The following GALNT10 variants were observed in gnomAD, a reference collection of about 807,000 sequenced individuals.
GALNT10 encodes GalNAc transferase 10.
GALNT10 carries 41 observed loss-of-function variants against 75.0 expected under a neutral mutation model. The observed-to-expected ratio is 0.55, with a 90% CI of 0.43 to 0.71. The LOEUF (loss-of-function observed/expected upper bound fraction) is 0.71, where lower values mean the gene tolerates loss of function less well. GALNT10 is among the 30% of genes least tolerant of loss of function. GALNT10 has a pLI of 0.00. For synonymous variants in GALNT10, 302 were observed against 313.0 expected (o/e 0.96, Z 0.37); for missense variants, 727 against 818.5 (o/e 0.89, Z 1.36).
At chr5:154,219,099 G>T (rs578144345) in intron 1 of GALNT10, among the ~76,000 whole-genome samples, 1 of 152,244 alleles carries the variant, frequency 6.6e-6, no homozygotes, top group East Asian at 1.9e-4. Context: ...GCCTCTGACC[G>T]CATCTGTAGT....
At chr5:154,250,876 A>G (rs183198465) in intron 1 of GALNT10, among the ~76,000 whole-genome samples, 2 of 152,308 alleles carry the variant, frequency 1.3e-5, no homozygotes, top group Admixed American at 6.5e-5. Context: ...TGCTATTGCC[A>G]GAATTTGCCA....
At chr5:154,375,544 G>A (rs1755641685) in intron 4 of GALNT10, among the ~76,000 whole-genome samples, 1 of 152,310 alleles carries the variant, frequency 6.6e-6, no homozygotes, top group Admixed American at 6.5e-5. Context: ...CTAGGAGTCT[G>A]TCTGCTTCAG....
chr5:154,265,843 C>T (rs1433046314), intron 1 of GALNT10, among the ~76,000 whole-genome samples: 3 of 151,948 alleles, frequency 2.0e-5, no homozygotes, highest in African/African-American at 4.8e-5. Context: ...ATTTGAAAAT[C>T]GCCAATTAGG....
chr5:154,346,238 T>C (rs1378097248), intron 4 of GALNT10, among the ~76,000 whole-genome samples: 2 of 152,052 alleles, frequency 1.3e-5, no homozygotes, highest in African/African-American at 4.8e-5. Flanking sequence ...ATCTTGGCTA[T>C]TGGGAGTAGT....
chr5:154,389,738 A>ATAAG (rs1247833313), intron 7 of GALNT10, among the ~76,000 whole-genome samples: 3 of 152,008 alleles, frequency 2.0e-5, no homozygotes, highest in Non-Finnish European at 2.9e-5. Context: ...TCCAATAAAT[A>ATAAG]TAAGTATAAA....
chr5:154,379,174 G>A (rs531352696), intron 5 of GALNT10, among the ~76,000 whole-genome samples: 1 of 152,268 alleles, frequency 6.6e-6, no homozygotes, highest in Admixed American at 6.5e-5. Context: ...GAACTACCTT[G>A]GGCATCTCAA....
At chr5:154,332,058 T>C (rs1754874732) in intron 4 of GALNT10, among the ~76,000 whole-genome samples, 1 of 152,120 alleles carries the variant, frequency 6.6e-6, no homozygotes, top group Non-Finnish European at 1.5e-5. Flanking sequence ...TGCCTCTTGC[T>C]CCCTCTCTTC....
chr5:154,191,871 A>G (rs1774866144), intron 1 of GALNT10, among the ~76,000 whole-genome samples: 1 of 152,228 alleles, frequency 6.6e-6, no homozygotes, highest in Non-Finnish European at 1.5e-5. Context: ...CAAAACTGGG[A>G]TCGGAATGGT....
At chr5:154,335,357 A>G (rs1258100891) in intron 4 of GALNT10, among the ~76,000 whole-genome samples, 2 of 152,194 alleles carry the variant, frequency 1.3e-5, no homozygotes, top group African/African-American at 4.8e-5. Context: ...CCGTGAGACC[A>G]TGAAATACGT....
At chr5:154,276,343 C>G (rs1753950702) in intron 1 of GALNT10, among the ~76,000 whole-genome samples, 1 of 152,206 alleles carries the variant, frequency 6.6e-6, no homozygotes, top group African/African-American at 2.4e-5. Flanking sequence ...ACATGGCCCC[C>G]TTGATCTACA....
intron 1 of GALNT10, among the ~76,000 whole-genome samples, chr5:154,195,604 C>T (rs1439600101): frequency 1.3e-5 from 2 of 152,190 alleles, no homozygotes; most frequent in Non-Finnish European, 2.9e-5. Context: ...TCATCTAGTC[C>T]AATCTCCTCA....
At position 154,409,469 on chromosome 5, in the gene GALNT10, A is replaced by G. The variant is rs1384106640; in HGVS notation, c.1165-72A>G. ...GAAGGGTTGACCTCGACCTGCCAGG[A>G]CCCTTTTCACCCCACTGCCTGGCTT... On this transcript the variant is annotated intron_variant, in intron 8 of 11. Coordinates refer to ENST00000297107, the MANE Select transcript of GALNT10 (RefSeq NM_198321.4). The surrounding 1 kb of genome is among the most constrained non-coding windows in gnomAD (Gnocchi z 4.5). 2.1e-6 allele frequency: 2 copies of G among 962,616 alleles called. No homozygotes were observed. Among genetic ancestry groups the G allele is most frequent in the African/African-American group, 1.6e-5 (1 of 62,626 alleles). 59.6% of individuals were successfully genotyped at this position (962,616 alleles called of 1,614,324 possible). A position where few individuals can be genotyped will look rare whatever the true frequency, so the allele number is the denominator to read the frequency against.
chr5:154,216,173 T>C (rs942015683), intron 1 of GALNT10, among the ~76,000 whole-genome samples: 1 of 152,212 alleles, frequency 6.6e-6, no homozygotes, highest in Non-Finnish European at 1.5e-5. Flanking sequence ...ACAAACTGTC[T>C]CTGGAAGTTC....
intron 1 of GALNT10, among the ~76,000 whole-genome samples, chr5:154,195,420 G>A (rs1334730389): frequency 6.6e-6 from 1 of 152,168 alleles, no homozygotes; most frequent in Admixed American, 6.5e-5. Context: ...AGGAGGTAGC[G>A]CATATACACC....
chr5:154,281,258 T>C (rs1268734979), intron 1 of GALNT10, among the ~76,000 whole-genome samples: 1 of 152,240 alleles, frequency 6.6e-6, no homozygotes, highest in Admixed American at 6.5e-5. Context: ...TAGTTTTCAG[T>C]GTATAGGTCT....
intron 1 of GALNT10, among the ~76,000 whole-genome samples, chr5:154,287,959 TGAGAGA>T (rs36043154): frequency 1.3e-5 from 2 of 149,848 alleles, no homozygotes; most frequent in African/African-American, 4.9e-5. Flanking sequence ...TGTGTGTGTG[TGAGAGA>T]GAGAGAGAGA....
At chr5:154,312,463 CAT>C (rs1303881116) in intron 3 of GALNT10, among the ~76,000 whole-genome samples, 1 of 152,146 alleles carries the variant, frequency 6.6e-6, no homozygotes. Flanking sequence ...TATATAGAGA[CAT>C]ATGAATGGGG....
At chr5:154,345,796 C>A (rs1396519758) in intron 4 of GALNT10, among the ~76,000 whole-genome samples, 1 of 131,190 alleles carries the variant, frequency 7.6e-6, no homozygotes, top group Non-Finnish European at 1.7e-5. Flanking sequence ...CCACTACACC[C>A]GGCGAATTTT....
chr5:154,343,746 G>A (rs1346039808), intron 4 of GALNT10, among the ~76,000 whole-genome samples: 4 of 152,096 alleles, frequency 2.6e-5, no homozygotes, highest in Admixed American at 1.3e-4. Flanking sequence ...AGGGTACCTG[G>A]TTAAAAAGCC....
Sources: gnomAD v4.1 joint callset for allele counts (sites outside exome capture counted in the v4.1 genomes callset) on GRCh38, gnomAD v4.1.1 for gene constraint, Gnocchi (gnomAD v3.1) non-coding constraint, MANE v1.5 for transcripts, NCBI Gene and HGNC (gene_info 2026-07-23, HGNC 2026-07-21) for gene names.